The following FAAH2 variants were observed in gnomAD, a reference collection of about 807,000 sequenced individuals.
FAAH2 encodes fatty-acid amide hydrolase 2.
In FAAH2, 60 loss-of-function variants were observed where a neutral mutation model predicts 36.9. That is an observed-to-expected ratio of 1.63 (90% confidence interval 1.32 to 2.02). The LOEUF (loss-of-function observed/expected upper bound fraction) is 2.02, where lower values mean the gene tolerates loss of function less well. FAAH2 is among the 30% of genes most tolerant of loss of function. The pLI is 0.00. For synonymous variants in FAAH2, 214 were observed against 143.8 expected (o/e 1.49, Z -3.49); for missense variants, 689 against 397.5 (o/e 1.73, Z -6.23).
At chrX:57,270,130 A>C in the FAAH2 span, among the ~76,000 whole-genome samples, 1 of 111,622 alleles carries the variant, frequency 9.0e-6, no homozygotes, top group African/African-American at 3.3e-5. Flanking sequence ...AAATGACCAA[A>C]TTCCTGGACA....
At chrX:57,266,878 C>T in the FAAH2 span, among the ~76,000 whole-genome samples, 2 of 112,389 alleles carry the variant, frequency 1.8e-5, no homozygotes, top group Non-Finnish European at 3.8e-5. Context: ...GATGGTCATT[C>T]CTCTAGGCTC....
the FAAH2 span, among the ~76,000 whole-genome samples, chrX:57,270,546 T>C: frequency 8.9e-6 from 1 of 111,875 alleles, no homozygotes; most frequent in Non-Finnish European, 1.9e-5. Flanking sequence ...GGATTCAAGA[T>C]GGCCTAATAG....
At chrX:57,222,245 C>A in the FAAH2 span, among the ~76,000 whole-genome samples, 11 of 111,383 alleles carry the variant, frequency 9.9e-5, no homozygotes, top group Admixed American at 2.9e-4. Context: ...AACCATTATA[C>A]CAGGCTGCTA....
chrX:57,263,870 A>G, the FAAH2 span, among the ~76,000 whole-genome samples: 1 of 111,861 alleles, frequency 8.9e-6, no homozygotes, highest in Admixed American at 9.5e-5. Flanking sequence ...ATGGAACCAA[A>G]CACAAAACCC....
the FAAH2 span, among the ~76,000 whole-genome samples, chrX:57,246,843 G>T: frequency 9.0e-6 from 1 of 111,479 alleles, no homozygotes; most frequent in Non-Finnish European, 1.9e-5. Context: ...TTTGAGTTGT[G>T]ACTGCATCAC....
chrX:57,160,601 C>T, the FAAH2 span, among the ~76,000 whole-genome samples: 2 of 112,163 alleles, frequency 1.8e-5, no homozygotes, highest in South Asian at 7.4e-4. Context: ...TTATCCATTT[C>T]TTCTAGATTT....
At chrX:57,355,199 CAT>C in intron 5 of FAAH2, among the ~76,000 whole-genome samples, 1 of 110,812 alleles carries the variant, frequency 9.0e-6, no homozygotes, top group South Asian at 3.7e-4. Flanking sequence ...AATACAAAAA[CAT>C]GTGTTGGTTA....
intron 10 of FAAH2, among the ~76,000 whole-genome samples, chrX:57,466,624 C>G (rs1189948092): frequency 1.8e-5 from 2 of 110,539 alleles, no homozygotes; most frequent in Non-Finnish European, 1.9e-5. Context: ...CAAGGATCAA[C>G]AGTATGCTAT....
At chrX:57,155,827 G>C in the FAAH2 span, among the ~76,000 whole-genome samples, 1 of 111,808 alleles carries the variant, frequency 8.9e-6, no homozygotes. Flanking sequence ...CTTCCCTGGG[G>C]ACCCAGAGAG....
the FAAH2 span, among the ~76,000 whole-genome samples, chrX:57,192,802 A>G: frequency 8.9e-6 from 1 of 111,941 alleles, no homozygotes. Context: ...GTCTCTAAAG[A>G]TAAATTGTGA....
At chrX:57,257,075 T>C in the FAAH2 span, among the ~76,000 whole-genome samples, 1 of 112,200 alleles carries the variant, frequency 8.9e-6, no homozygotes, top group Non-Finnish European at 1.9e-5. Context: ...AAAATAGGAA[T>C]GCTTTTACAT....
At chrX:57,431,797 G>GTTTTTTTT (rs2056307979) in intron 7 of FAAH2, 121 bp from the exon 8 acceptor site, 1 of 38,816 alleles carries the variant, frequency 2.6e-5, no homozygotes, top group Non-Finnish European at 4.3e-5. Context: ...GTTTTTTTTG[G>GTTTTTTTT]TGTTTCCATG....
chrX:57,212,352 A>G, the FAAH2 span, among the ~76,000 whole-genome samples: 1 of 112,416 alleles, frequency 8.9e-6, no homozygotes. Flanking sequence ...GTAATTTTCT[A>G]ACAATGGATT....
intron 7 of FAAH2, among the ~76,000 whole-genome samples, chrX:57,417,075 T>G (rs1175827292): frequency 8.9e-6 from 1 of 112,276 alleles, no homozygotes; most frequent in African/African-American, 3.2e-5. Context: ...TTTTCAGCTC[T>G]GTCAGATCAT....
At chrX:57,240,052 A>G in the FAAH2 span, among the ~76,000 whole-genome samples, 20 of 112,224 alleles carry the variant, frequency 1.8e-4, no homozygotes, top group South Asian at 7.4e-3. Context: ...GGTCTGGTTA[A>G]AAACCATTGC....
At chrX:57,149,130 T>C in the FAAH2 span, among the ~76,000 whole-genome samples, 1 of 111,823 alleles carries the variant, frequency 8.9e-6, no homozygotes, top group Admixed American at 9.5e-5. Context: ...GTGGATAAGC[T>C]TTTTGATGTG....
At chrX:57,267,616 G>T in the FAAH2 span, among the ~76,000 whole-genome samples, 5 of 111,963 alleles carry the variant, frequency 4.5e-5, no homozygotes, top group Non-Finnish European at 9.4e-5. Flanking sequence ...GTAGCACTTT[G>T]CTGCAGCTGA....
At chrX:57,136,870 C>A in the FAAH2 span, 3 of 594,056 alleles carry the variant, frequency 5.1e-6, no homozygotes, top group Non-Finnish European at 7.6e-6. Context: ...AGCTCAGAGC[C>A]CACTGCCCTC....
intron 7 of FAAH2, among the ~76,000 whole-genome samples, chrX:57,385,722 G>A (rs938152106): frequency 1.3e-4 from 15 of 111,329 alleles, no homozygotes; most frequent in Non-Finnish European, 2.8e-4. Context: ...TGGCTAACAC[G>A]GTGAAATCCC....
Sources: allele counts gnomAD v4.1 joint callset (sites outside exome capture counted in the v4.1 genomes callset), GRCh38; gene constraint gnomAD v4.1.1; transcripts MANE v1.5; gene names NCBI Gene and HGNC (gene_info 2026-07-23, HGNC 2026-07-21).